Variants in TM9SF4 observed in about 807,000 individuals in gnomAD.
The protein encoded by TM9SF4 is dinucleotide oxidase disulfide thiol exchanger 3 superfamily member 4.
In TM9SF4, 26 loss-of-function variants were observed where a neutral mutation model predicts 90.4. The ratio of observed to expected loss-of-function variants is 0.29; its 90% CI spans 0.21 to 0.40. The LOEUF is 0.40. TM9SF4 is among the 10% of genes least tolerant of loss of function. The probability of loss-of-function intolerance (pLI) is 1.00; values close to 1 mark genes in which losing one functional copy is unlikely to be tolerated. For missense variants in TM9SF4, 549 were observed against 834.8 expected, an observed-to-expected ratio of 0.66 and a Z score of 4.22; for synonymous variants, 293 against 315.4, an observed-to-expected ratio of 0.93 and a Z score of 0.75.
chr20:32,119,138 C>G (rs1454544238), intron 1 of TM9SF4, among the ~76,000 whole-genome samples: 1 of 151,810 alleles, frequency 6.6e-6, no homozygotes, highest in Non-Finnish European at 1.5e-5. Flanking sequence ...TAAAGGAATA[C>G]CTGAGGCTGA....
intron 2 of TM9SF4, among the ~76,000 whole-genome samples, chr20:32,134,592 A>G (rs544850612): frequency 6.6e-6 from 1 of 152,238 alleles, no homozygotes; most frequent in African/African-American, 2.4e-5. Context: ...TAGTTATCGA[A>G]TATGAGGTAC....
chr20:32,139,281 T>G (rs191245597), intron 3 of TM9SF4, among the ~76,000 whole-genome samples: 1 of 152,368 alleles, frequency 6.6e-6, no homozygotes, highest in East Asian at 1.9e-4. Context: ...GATCTTGATA[T>G]CTAAGTGCCC....
chr20:32,120,472 T>C (rs1032351877), intron 1 of TM9SF4, among the ~76,000 whole-genome samples: 2 of 151,896 alleles, frequency 1.3e-5, no homozygotes, highest in African/African-American at 4.8e-5. Flanking sequence ...TTTTCTATAT[T>C]GATCTTATAG....
At chr20:32,122,380 C>A (rs541298603) in intron 1 of TM9SF4, among the ~76,000 whole-genome samples, 1 of 151,160 alleles carries the variant, frequency 6.6e-6, no homozygotes, top group East Asian at 2.0e-4. Flanking sequence ...GGGGTGGCTG[C>A]CGGGCGGAGA....
intron 1 of TM9SF4, among the ~76,000 whole-genome samples, chr20:32,118,164 G>C (rs2046253830): frequency 6.6e-6 from 1 of 152,112 alleles, no homozygotes; most frequent in Non-Finnish European, 1.5e-5. Context: ...TGAACTTCTA[G>C]TCCTTGATTC....
chr20:32,144,412 AAATG>A (rs1481660449), intron 6 of TM9SF4, among the ~76,000 whole-genome samples: 1 of 152,220 alleles, frequency 6.6e-6, no homozygotes, highest in East Asian at 1.9e-4. Context: ...GAGATAGACT[AAATG>A]AATGAGTAGG....
chr20:32,143,129 G>C, intron 6 of TM9SF4, 24 bp downstream of exon 6: 1 of 1,610,698 alleles, frequency 6.2e-7, no homozygotes, highest in South Asian at 1.1e-5. Context: ...TGTGGCCGGA[G>C]GGGCAGGGCT....
chr20:32,162,376 C>T (rs776992549), intron 17 of TM9SF4, among the ~76,000 whole-genome samples: 1 of 152,234 alleles, frequency 6.6e-6, no homozygotes, highest in Admixed American at 6.5e-5. Flanking sequence ...CCCCTCTTCT[C>T]TAACAGTCTC....
rs545418075 is a variant in TM9SF4, at chr20:32,141,951, G to A, written c.528+56G>A. On this transcript the variant is annotated intron_variant, in intron 5 of 17. Coordinates refer to ENST00000398022, the MANE Select transcript of TM9SF4 (RefSeq NM_014742.4). ...GGGAGCCACACCTCACGAGTCCTGAGCACTTGGGGCCACAGAAAAGGTGGG... is the reference window on the plus strand; with the variant it reads ...GGGAGCCACACCTCACGAGTCCTGAACACTTGGGGCCACAGAAAAGGTGGG... The A allele has an allele frequency of 1.2e-5, 19 of 1,605,616 alleles. No homozygotes were observed. In the African/African-American group the frequency reaches 1.9e-4, roughly 16 times the overall value.
chr20:32,157,787 T>A lies in TM9SF4; in HGVS notation c.1330-7T>A. 5 of 1,613,992 alleles carry A rather than the reference T, an allele frequency of 3.1e-6. No individual in the cohort carries two copies. The highest frequency in any genetic ancestry group is 4.2e-6 in the Non-Finnish European group (5 of 1,179,916). On this transcript the variant is annotated splice_region_variant and splice_polypyrimidine_tract_variant and intron_variant, in intron 13 of 17. Transcript: ENST00000398022. ...CTCGTGGGGGCCTCATGGTGCCATG[T>A]CTACAGGTGCCCTTTCCCACCATGG...
intron 1 of TM9SF4, among the ~76,000 whole-genome samples, chr20:32,115,807 C>CTT (rs386393622): frequency 0.035 from 3,367 of 94,950 alleles, 469 homozygotes; most frequent in African/African-American, 0.12. Flanking sequence ...CCACTTTAAG[C>CTT]TTTTTTTTTT....
At chr20:32,162,566 GAA>G (rs1344866778) in intron 17 of TM9SF4, among the ~76,000 whole-genome samples, 1 of 152,208 alleles carries the variant, frequency 6.6e-6, no homozygotes, top group East Asian at 1.9e-4. Flanking sequence ...ATGGCCTGCA[GAA>G]ACTAAAATAT....
chr20:32,132,130 G>A lies in TM9SF4; in HGVS notation c.16-883G>A, dbSNP rs145243495. 8.5e-4 allele frequency among the ~76,000 whole-genome samples: 130 copies of A among 152,296 alleles called. 1 individual carries two copies. Among genetic ancestry groups the A allele is most frequent in the Middle Eastern group, 3.4e-3 (1 of 294 alleles). ...GAAATAAGGAGATGTGCCATTGGGC[G>A]TGGTAGCTCACACTTGTAATCTCGG... On this transcript the variant is annotated intron_variant, in intron 1 of 17. Transcript: ENST00000398022.
In TM9SF4 at chr20:32,165,807, A is replaced by G. The variant is rs2047091775; in HGVS notation, c.*363A>G. On this transcript the variant is annotated 3_prime_UTR_variant, in exon 18 of 18. Coordinates refer to ENST00000398022, the MANE Select transcript of TM9SF4 (RefSeq NM_014742.4). ...ATCCAGGATGGATAAATCCACCGAG[A>G]TAAGGGTTTTGGTCACTGTCTCCAC... 4.3e-6 allele frequency: 1 copy of G among 230,060 alleles called. No individual in the cohort carries two copies. Among genetic ancestry groups the G allele is most frequent in the Non-Finnish European group, 8.8e-6 (1 of 113,252 alleles). 14.3% of individuals were successfully genotyped at this position (230,060 alleles called of 1,614,324 possible).
intron 1 of TM9SF4, among the ~76,000 whole-genome samples, chr20:32,125,756 C>T (rs917095467): frequency 4.2e-5 from 6 of 143,360 alleles, no homozygotes; most frequent in African/African-American, 1.6e-4. Context: ...GTGATCATGG[C>T]TCACTGACTC....
chr20:32,132,427 G>A (rs913412929), intron 1 of TM9SF4, among the ~76,000 whole-genome samples: 8 of 152,182 alleles, frequency 5.3e-5, no homozygotes, highest in Non-Finnish European at 1.2e-4. Context: ...TGCCGTGCAG[G>A]TGCCTGTGGG....
Position 32,145,366 on chromosome 20 carries a change from G to A in TM9SF4, c.826G>A (p.Val276Ile), listed in dbSNP as rs774513801. 1.9e-6 allele frequency: 3 copies of A among 1,614,114 alleles called. No homozygotes were observed. The highest frequency in any genetic ancestry group is 2.5e-6 in the Non-Finnish European group (3 of 1,180,024). The change falls in exon 8 of 18, where the codon GTC (valine) becomes ATC (isoleucine). Residue 276 changes from valine (V) to isoleucine (I), a missense_variant. This residue lies in a region of TM9SF4 where 495 missense variants were observed against 711.7 expected (regional missense o/e 0.70). Coordinates refer to ENST00000398022, the MANE Select transcript of TM9SF4 (RefSeq NM_014742.4). Reference protein sequence around the residue: ...RWDTYLTMSDVQIHWFSIINS... With the variant: ...RWDTYLTMSDIQIHWFSIINS... Reference sequence around the variant, plus strand: ...GGACACTTACCTGACCATGAGTGACGTCCAGATCCACTGGTTTTCTATCAT... The same window carrying A: ...GGACACTTACCTGACCATGAGTGACATCCAGATCCACTGGTTTTCTATCAT...
At chr20:32,144,343 A>G (rs2046728358) in intron 6 of TM9SF4, among the ~76,000 whole-genome samples, 1 of 152,368 alleles carries the variant, frequency 6.6e-6, no homozygotes, top group Admixed American at 6.5e-5. Context: ...GGATGAACAG[A>G]TGAGCAAATG....
At chr20:32,157,329 G>C (rs901713054) in intron 13 of TM9SF4, among the ~76,000 whole-genome samples, 1 of 152,140 alleles carries the variant, frequency 6.6e-6, no homozygotes, top group Middle Eastern at 3.2e-3. Flanking sequence ...CGACTATGTT[G>C]TGTTTTTATT....
Sources: allele counts gnomAD v4.1 joint callset (sites outside exome capture counted in the v4.1 genomes callset), GRCh38; gene constraint gnomAD v4.1.1; regional missense constraint gnomAD v4.1.1; transcripts MANE v1.5; gene names NCBI Gene and HGNC (gene_info 2026-07-23, HGNC 2026-07-21).